FRMD1: variants seen among roughly 807,000 people sequenced by gnomAD.
The protein encoded by FRMD1 is FERM domain-containing protein 1.
Under a neutral mutation model 54.9 loss-of-function variants are expected in FRMD1, and 51 were observed. That is an observed-to-expected ratio of 0.93 (90% CI 0.74 to 1.17). The LOEUF is 1.17. FRMD1 is among the 50% of genes most tolerant of loss of function. The pLI is 0.00. For missense variants in FRMD1, 729 were observed against 743.0 expected (o/e 0.98, Z 0.22); for synonymous variants, 324 against 306.4 (o/e 1.06, Z -0.60).
chr6:168,092,032 G>A (rs960551134), intron 1 of FRMD1, among the ~76,000 whole-genome samples: 7 of 152,222 alleles, frequency 4.6e-5, no homozygotes, highest in Non-Finnish European at 1.0e-4. Flanking sequence ...CCTCCACAGC[G>A]CTGCACTTCC....
intron 7 of FRMD1, chr6:168,062,556 G>T: frequency 9.0e-7 from 1 of 1,106,014 alleles, no homozygotes; most frequent in Non-Finnish European, 1.3e-6. Flanking sequence ...CCCCCGAGAG[G>T]CCGGCAGGAA....
intron 10 of FRMD1, among the ~76,000 whole-genome samples, chr6:168,058,376 C>T (rs375824426): frequency 1.4e-3 from 207 of 147,030 alleles, no homozygotes; most frequent in African/African-American, 5.1e-3. Flanking sequence ...TCTCTCTCTC[C>T]ATCTGCCTCC....
rs770723781 is a variant in FRMD1, at chr6:168,075,335, C to T, written c.214G>A (p.Val72Met). The T allele has an allele frequency of 1.2e-6, 2 of 1,612,308 alleles. No homozygotes were observed. The highest frequency in any genetic ancestry group is 1.1e-5 in the South Asian group (1 of 91,086). ...SREQLRLAVG[V>M]KATGRELFQQ... The stretch of plus-strand genomic sequence containing the variant: ...AAAAGCTCGCGGCCAGTAGCCTTCA[C>T]CTGCAAAAGAGGTGGGGAGGGGTTC... The change falls in exon 2 of 11, where the codon GTG (valine) becomes ATG (methionine). Residue 72 changes from valine (V) to methionine (M), a missense_variant and splice_region_variant. By Grantham distance (21) the Val-to-Met change is conservative (BLOSUM62 1). Coordinates refer to ENST00000283309, the MANE Select transcript of FRMD1 (RefSeq NM_024919.6).
intron 1 of FRMD1, among the ~76,000 whole-genome samples, chr6:168,090,667 G>C (rs1367958165): frequency 6.6e-6 from 1 of 152,342 alleles, no homozygotes; most frequent in East Asian, 1.9e-4. Context: ...AGTTCTGCAA[G>C]GTCTTACTTG....
upstream of FRMD1, among the ~76,000 whole-genome samples, chr6:168,082,487 C>A (rs1213270624): frequency 6.6e-6 from 1 of 152,228 alleles, no homozygotes; most frequent in East Asian, 1.9e-4. Context: ...TCCCTGCTGT[C>A]CGTCAGCACT....
chr6:168,091,514 C>T (rs1179300941), intron 1 of FRMD1, among the ~76,000 whole-genome samples: 1 of 152,222 alleles, frequency 6.6e-6, no homozygotes, highest in Non-Finnish European at 1.5e-5. Context: ...CAGGATGGCT[C>T]AGGTTGGATC....
chr6:168,057,525 A>T, intron 10 of FRMD1, 186 bp from the exon 11 acceptor site: 1 of 787,612 alleles, frequency 1.3e-6, no homozygotes, highest in Non-Finnish European at 1.9e-6. Flanking sequence ...GAGGCTTGGC[A>T]TCTTCCTTTG....
chr6:168,087,018 G>T (rs987912716), intron 1 of FRMD1, among the ~76,000 whole-genome samples: 1 of 151,474 alleles, frequency 6.6e-6, no homozygotes, highest in African/African-American at 2.4e-5. Flanking sequence ...ACCTCTCCCC[G>T]CTCACACTCC....
chr6:168,075,596 G>C (rs1800551396), intron 1 of FRMD1: 1 of 751,292 alleles, frequency 1.3e-6, no homozygotes. Context: ...CTCCATCCCT[G>C]TCTGTCTCTG....
Position 168,056,771 on chromosome 6 carries a change from T to C in FRMD1, c.*326A>G, listed in dbSNP as rs1453438779. ...CAGCTGTGTCACCTTCTCTCCCAGA[T>C]TAGGATGGGTGACAGGCTGCCTCAG... On this transcript the variant is annotated 3_prime_UTR_variant, in exon 11 of 11. Transcript: ENST00000283309. The C allele has an allele frequency of 4.8e-6, 1 of 207,564 alleles. No individual in the cohort carries two copies. Among genetic ancestry groups the C allele is most frequent in the Non-Finnish European group, 9.6e-6 (1 of 103,886 alleles). The allele number at this position is 207,564 out of a possible 1,614,324, so 12.9% of individuals were successfully genotyped here. A position where few individuals can be genotyped will look rare whatever the true frequency, so the allele number is the denominator to read the frequency against.
intron 10 of FRMD1, among the ~76,000 whole-genome samples, chr6:168,058,586 C>T (rs948267743): frequency 1.3e-5 from 2 of 152,162 alleles, no homozygotes; most frequent in Non-Finnish European, 2.9e-5. Flanking sequence ...GAGGGCAACT[C>T]GGAGCCTGGC....
rs370382958 is a variant in FRMD1 at position 168,074,283 on chromosome 6, T to C, written c.304+962A>G. On this transcript the variant is annotated intron_variant, in intron 2 of 10. Coordinates refer to ENST00000283309, the MANE Select transcript of FRMD1 (RefSeq NM_024919.6). ...AACTCCAGGTACGAATTCACATAGA[T>C]CCAGGGTCCTGCTACTGTACAGAGG... is the stretch of plus-strand genomic sequence containing the variant. Among the ~76,000 whole-genome samples, 25 of 152,226 alleles carry C rather than the reference T, an allele frequency of 1.6e-4. 1 individual carries two copies. The South Asian group carries it at 5.2e-3, about 32-fold the overall frequency.
chr6:168,087,522 A>G (rs1163259845), intron 1 of FRMD1, among the ~76,000 whole-genome samples: 1 of 152,240 alleles, frequency 6.6e-6, no homozygotes. Context: ...TCAGCCGCAC[A>G]TCGTGAGACG....
upstream of FRMD1, among the ~76,000 whole-genome samples, chr6:168,084,039 G>A (rs1800879305): frequency 6.6e-6 from 1 of 152,206 alleles, no homozygotes; most frequent in African/African-American, 2.4e-5. Flanking sequence ...TCCAAACTGA[G>A]GAAGAATAGC....
intron 2 of FRMD1, among the ~76,000 whole-genome samples, chr6:168,073,058 A>G (rs1288179136): frequency 1.3e-5 from 2 of 152,184 alleles, no homozygotes; most frequent in Non-Finnish European, 2.9e-5. Context: ...AGCTGTGGAC[A>G]AACATATTAA....
At chr6:168,085,156 A>T (rs1310800422), upstream of FRMD1, among the ~76,000 whole-genome samples, 14 of 152,266 alleles carry the variant, frequency 9.2e-5, no homozygotes, top group Admixed American at 9.2e-4. Context: ...TGAGCCAGGC[A>T]GTCATTAACT....
At position 168,057,710 on chromosome 6, in the gene FRMD1, T is replaced by A. The variant is rs1799486171; in HGVS notation, c.1408-371A>T. The A allele has an allele frequency of 1.3e-5, 3 of 236,728 alleles. No homozygotes were observed. In the South Asian group the frequency reaches 1.7e-4, roughly 14 times the overall value. The allele number at this position is 236,728 out of a possible 1,614,324, so 14.7% of individuals were successfully genotyped here. On this transcript the variant is annotated intron_variant, in intron 10 of 10. Coordinates refer to ENST00000283309, the MANE Select transcript of FRMD1 (RefSeq NM_024919.6). ...AGTGGTCAAGAACGGCCTCCTATTT[T>A]ATACGGGAGGAAACTGTCTGGGTTC...
chr6:168,057,362 G>A, intron 10 of FRMD1, 23 bp from the exon 11 acceptor site: 1 of 1,603,108 alleles, frequency 6.2e-7, no homozygotes, highest in Non-Finnish European at 8.5e-7. Flanking sequence ...GCCATGGGAT[G>A]AGGCCTGCTG....
intron 1 of FRMD1, among the ~76,000 whole-genome samples, chr6:168,090,568 G>A (rs1314043538): frequency 6.6e-6 from 1 of 152,222 alleles, no homozygotes; most frequent in African/African-American, 2.4e-5. Context: ...CCTGTCGCAA[G>A]CCTGCATGTT....
Sources: allele counts gnomAD v4.1 joint callset (sites outside exome capture counted in the v4.1 genomes callset), GRCh38; gene constraint gnomAD v4.1.1; transcripts MANE v1.5; gene names NCBI Gene and HGNC (gene_info 2026-07-23, HGNC 2026-07-21).